The following HDHD5 variants were observed in gnomAD, a reference collection of about 807,000 sequenced individuals.
HDHD5 encodes the protein haloacid dehalogenase like hydrolase domain containing 5, also known as haloacid dehalogenase-like hydrolase domain-containing 5.
In HDHD5, 34 loss-of-function variants were observed where a neutral mutation model predicts 35.5. That is an observed-to-expected ratio of 0.96 (90% CI 0.73 to 1.28). HDHD5 has a LOEUF of 1.28. Among genes scored for constraint, HDHD5 ranks in the 50% most tolerant of loss-of-function variants. HDHD5 has a pLI of 0.00. For missense variants in HDHD5, 589 were observed against 560.2 expected (o/e 1.05, Z -0.52); for synonymous variants, 248 against 240.6 (o/e 1.03, Z -0.29).
In HDHD5 at chr22:17,143,132, C is replaced by A. The variant is rs758257649; in HGVS notation, c.538-1G>T. On this transcript the variant is annotated splice_acceptor_variant, in intron 4 of 7. Transcript: ENST00000336737. LOFTEE classifies it high-confidence loss of function. ...GGGGGAAGTCATTCCTCGGGAGGGG[C>A]TGCAGAGAGACAAAGGAGAGGCTAT... 6.2e-7 allele frequency: 1 copy of A among 1,608,652 alleles called. No individual in the cohort carries two copies. Among genetic ancestry groups the A allele is most frequent in the Non-Finnish European group, 8.5e-7 (1 of 1,177,878 alleles).
intron 1 of HDHD5, 107 bp from the exon 2 acceptor site, chr22:17,149,852 A>G: frequency 1.1e-6 from 1 of 919,064 alleles, no homozygotes; most frequent in South Asian, 1.7e-5. Flanking sequence ...TTGAAAACCT[A>G]TGTCAGAAAG....
intron 2 of HDHD5, among the ~76,000 whole-genome samples, 155 bp downstream of exon 2, chr22:17,149,387 A>C (rs538853982): frequency 1.3e-5 from 2 of 152,236 alleles, no homozygotes; most frequent in African/African-American, 4.8e-5. Flanking sequence ...TACAACTGCC[A>C]AATACACAGG....
chr22:17,143,154 C>A (rs745480881), intron 4 of HDHD5, 23 bp from the exon 5 acceptor site: 33 of 1,604,976 alleles, frequency 2.1e-5, no homozygotes, highest in Admixed American at 5.2e-5. Flanking sequence ...AAAGGAGAGG[C>A]TATCAACACA....
chr22:17,150,801 G>C (rs1034862), intron 1 of HDHD5, among the ~76,000 whole-genome samples: 118,697 of 152,120 alleles, frequency 0.78, 46,582 homozygotes, highest in Middle Eastern at 0.86. Flanking sequence ...TTACAGGCTT[G>C]AGCCACTGCA....
chr22:17,151,911 CAG>C (rs2061730770), intron 1 of HDHD5, among the ~76,000 whole-genome samples: 3 of 152,154 alleles, frequency 2.0e-5, no homozygotes, highest in Admixed American at 6.5e-5. Flanking sequence ...AATAAATAAA[CAG>C]AATTAAACAA....
At chr22:17,141,285 A>G in intron 5 of HDHD5, 52 bp from the exon 6 acceptor site, 1 of 1,542,150 alleles carries the variant, frequency 6.5e-7, no homozygotes, top group Non-Finnish European at 8.7e-7. Context: ...GGCAGGCGGC[A>G]GGCCCTCAGG....
intron 1 of HDHD5, among the ~76,000 whole-genome samples, chr22:17,153,502 C>G (rs1447442074): frequency 6.6e-6 from 1 of 152,168 alleles, no homozygotes; most frequent in Non-Finnish European, 1.5e-5. Flanking sequence ...CCTCAAGGAT[C>G]CCTGGAGCCC....
At chr22:17,140,772 A>G (rs920990134) in intron 6 of HDHD5, among the ~76,000 whole-genome samples, 2 of 152,246 alleles carry the variant, frequency 1.3e-5, no homozygotes, top group African/African-American at 4.8e-5. Context: ...TCCACCAGAC[A>G]CCAAGAGCAT....
At chr22:17,157,085 T>TACATACACACACACACACACACACAC (rs1555881521) in intron 1 of HDHD5, among the ~76,000 whole-genome samples, 1 of 143,682 alleles carries the variant, frequency 7.0e-6, no homozygotes, top group African/African-American at 2.6e-5. Context: ...CTCACACACA[T>TACATACACACACACACACACACACAC]ACACACACAC....
In HDHD5 at chr22:17,140,954, C is replaced by T. The variant is rs1012992417; in HGVS notation, c.746+105G>A. The stretch of plus-strand genomic sequence containing the variant: ...ACAACAGGGCCTACCTAAGTGAGGT[C>T]CCGGCACCTGGGGTGTCAGGACGGA... On this transcript the variant is annotated intron_variant, in intron 6 of 7. Transcript: ENST00000336737. 2.7e-6 allele frequency: 3 copies of T among 1,096,272 alleles called. No homozygotes were observed. The African/African-American group carries it at 4.9e-5, about 18-fold the overall frequency. 67.9% of individuals were successfully genotyped at this position (1,096,272 alleles called of 1,614,324 possible).
In HDHD5 at chr22:17,138,351, G is replaced by T. The variant is rs540428342; in HGVS notation, c.942C>A (p.Asn314Lys). 4 of 1,606,244 alleles carry T rather than the reference G, an allele frequency of 2.5e-6. No homozygotes were observed. In the South Asian group the frequency reaches 4.4e-5, roughly 18 times the overall value. The change falls in exon 8 of 8, where the codon AAC becomes AAA. Residue 314 changes from asparagine (N) to lysine (K), a missense_variant. Physicochemically the swap from Asn to Lys is moderately conservative, Grantham distance 94 (BLOSUM62 0). Coordinates refer to ENST00000336737, the MANE Select transcript of HDHD5 (RefSeq NM_033070.3). ...PIRKLYAVGD[N>K]PMSDVYGANL... The stretch of plus-strand genomic sequence containing the variant: ...TGGCGCCGTATACGTCAGACATAGG[G>T]TTATCACTGGCAGGGGCAGCCACAC...
rs199989327 is a variant in HDHD5 at position 17,145,038 on chromosome 22, G to A, written c.523C>T (p.Arg175Trp). ...PLLDMVDLERRLKTTPLPRND... is the reference protein window; with the variant it reads ...PLLDMVDLERWLKTTPLPRND... ...CTCCTTATTACCGTGGTCTTTAGCC[G>A]CCGCTCCAGGTCCACCATGTCAAGC... The change falls in exon 4 of 8, where the codon CGG becomes TGG. Residue 175 changes from arginine (R) to tryptophan (W), a missense_variant. By Grantham distance (101) the Arg-to-Trp change is moderately radical. Coordinates refer to ENST00000336737, the MANE Select transcript of HDHD5 (RefSeq NM_033070.3). The A allele has an allele frequency of 3.8e-5, 61 of 1,613,698 alleles. No individual in the cohort carries two copies. Among genetic ancestry groups the A allele is most frequent in the Middle Eastern group, 3.3e-4 (2 of 6,084 alleles).
chr22:17,140,766 C>G (rs974226113), intron 6 of HDHD5, among the ~76,000 whole-genome samples: 2 of 152,154 alleles, frequency 1.3e-5, no homozygotes, highest in African/African-American at 4.8e-5. Flanking sequence ...TTGGGATCCA[C>G]CAGACACCAA....
chr22:17,137,842 A>C lies in HDHD5; in HGVS notation c.*179T>G. On this transcript the variant is annotated 3_prime_UTR_variant, in exon 8 of 8. Coordinates refer to ENST00000336737, the MANE Select transcript of HDHD5 (RefSeq NM_033070.3). ...AACCGTTCCATACAAAATGCTACCC[A>C]GCAGGGAAAAAGAGTCACTGTCTTC... The C allele has an allele frequency of 5.0e-6, 3 of 595,092 alleles. No individual in the cohort carries two copies. The highest frequency in any genetic ancestry group is 8.9e-6 in the Non-Finnish European group (3 of 337,758). The allele number at this position is 595,092 out of a possible 1,614,324, so 36.9% of individuals were successfully genotyped here.
intron 4 of HDHD5, 176 bp from the exon 5 acceptor site, chr22:17,143,307 G>C (rs750773000): frequency 2.2e-5 from 13 of 600,608 alleles, no homozygotes; most frequent in Non-Finnish European, 3.3e-5. Flanking sequence ...TGCAAGAAAG[G>C]CGAAAAGACA....
In HDHD5 at chr22:17,143,106, CG is replaced by C. The variant is rs765575668; in HGVS notation, c.562del (p.Arg188AlafsTer8). ...AAGAGGACCTCTCTTACCTTCAATG[CG>C]GGGGAAGTCATTCCTCGGGAGGGGC... Reference protein sequence around the residue: ...TTPLPRNDFPRIEGVLLLGEP... With the variant: ...TTPLPRNDFPXIEGVLLLGEP... On this transcript the variant is annotated frameshift_variant, in exon 5 of 8. Coordinates refer to ENST00000336737, the MANE Select transcript of HDHD5 (RefSeq NM_033070.3). LOFTEE classifies it high-confidence loss of function. The C allele has an allele frequency of 6.8e-6, 11 of 1,609,448 alleles. No individual in the cohort carries two copies. In the South Asian group the frequency reaches 1.2e-4, roughly 18 times the overall value.
intron 1 of HDHD5, among the ~76,000 whole-genome samples, chr22:17,156,258 TTATGTAGGCCTGGGC>T (rs1452001325): frequency 9.2e-5 from 14 of 152,136 alleles, no homozygotes; most frequent in Admixed American, 8.5e-4. Flanking sequence ...TGACCCGACC[TTATGTAGGCCTGGGC>T]TAGTAGGTGT....
upstream of HDHD5, chr22:17,159,296 C>G (rs543489830): frequency 3.5e-5 from 43 of 1,237,002 alleles, no homozygotes; most frequent in Admixed American, 2.9e-4. Context: ...GCCCCCCCCC[C>G]CCGCGAGTCC....
rs1232192192 is a variant in HDHD5, at chr22:17,159,173, G to A, written c.79C>T (p.Leu27Phe). The stretch of plus-strand genomic sequence containing the variant: ...CACCTGCGGGCGGGGCGGCCCTGGA[G>A]CCCCGCAGCCGCGCGCGCCGCCCGC... ...CWRAARAAAG[L>F]QGRPARRCYA... Residue 27 changes from leucine (L) to phenylalanine (F), a missense_variant, in exon 1 of 8, where the codon CTC becomes TTC. By Grantham distance (22) the Leu-to-Phe change is conservative (BLOSUM62 0). Transcript: ENST00000336737. 4.9e-6 allele frequency: 6 copies of A among 1,218,666 alleles called. No individual in the cohort carries two copies. Among genetic ancestry groups the A allele is most frequent in the Non-Finnish European group, 5.1e-6 (5 of 979,290 alleles). The allele number at this position is 1,218,666 out of a possible 1,614,324, so 75.5% of individuals were successfully genotyped here.
Sources: allele counts gnomAD v4.1 joint callset (sites outside exome capture counted in the v4.1 genomes callset), GRCh38; gene constraint gnomAD v4.1.1; transcripts MANE v1.5; gene names NCBI Gene and HGNC (gene_info 2026-07-23, HGNC 2026-07-21).